Variants in FGFR3 observed in about 807,000 individuals in gnomAD.
FGFR3 encodes FGFR-3.
In FGFR3, 25 loss-of-function variants were observed where a neutral mutation model predicts 82.9. The observed-to-expected ratio is 0.30, with a 90% confidence interval of 0.22 to 0.42. The LOEUF is 0.42. FGFR3 is among the 10% of genes least tolerant of loss of function. The probability of loss-of-function intolerance (pLI) is 1.00; values close to 1 mark genes in which losing one functional copy is unlikely to be tolerated. For missense variants in FGFR3, 1,026 were observed against 1,161.0 expected, an observed-to-expected ratio of 0.88 and a Z score of 1.69; for synonymous variants, 620 against 516.0, an observed-to-expected ratio of 1.20 and a Z score of -2.73.
At chr4:1,804,644 C>G in intron 9 of FGFR3, 124 bp downstream of exon 9, 1 of 1,445,214 alleles carries the variant, frequency 6.9e-7, no homozygotes, top group African/African-American at 1.4e-5. Flanking sequence ...CTCCCCTCTC[C>G]TCGTCTCTGC....
intron 10 of FGFR3, 25 bp from the exon 11 acceptor site, chr4:1,805,330 A>G (rs764691296): frequency 6.2e-7 from 1 of 1,609,508 alleles, no homozygotes; most frequent in Non-Finnish European, 8.5e-7. Flanking sequence ...TTGCACACTC[A>G]TGGTCCCTCT....
At chr4:1,803,944 C>A (rs556862739) in intron 8 of FGFR3, 108 bp downstream of exon 8, 2 of 1,261,928 alleles carry the variant, frequency 1.6e-6, no homozygotes, top group African/African-American at 1.5e-5. Flanking sequence ...ACGGCCGTCC[C>A]GCTTCTTGAG....
chr4:1,801,594 A>G (rs779910416), intron 5 of FGFR3, 26 bp from the exon 6 acceptor site: 9 of 1,596,076 alleles, frequency 5.6e-6, no homozygotes, highest in East Asian at 2.3e-5. Flanking sequence ...GCCTCCGCTC[A>G]CTCACCCGCC....
intron 4 of FGFR3, among the ~76,000 whole-genome samples, chr4:1,800,297 G>A (rs571034899): frequency 2.0e-5 from 3 of 152,152 alleles, no homozygotes; most frequent in African/African-American, 7.2e-5. Context: ...GAGAGCAGTC[G>A]GGGACGATGC....
At chr4:1,801,299 A>G (rs958036231) in intron 4 of FGFR3, 68 bp from the exon 5 acceptor site, 56 of 1,500,636 alleles carry the variant, frequency 3.7e-5, no homozygotes, top group Non-Finnish European at 4.8e-5. Flanking sequence ...AGCTCTGGGA[A>G]GGGGGTTGTT....
Position 1,804,477 on chromosome 4 carries a change from C to T in FGFR3, c.1223C>T (p.Ser408Phe), listed in dbSNP as rs761877926. 1.9e-6 allele frequency: 3 copies of T among 1,612,888 alleles called. No homozygotes were observed. Among genetic ancestry groups the T allele is most frequent in the East Asian group, 2.2e-5 (1 of 44,882 alleles). The change falls in exon 9 of 18, where the codon TCC becomes TTC. Residue 408 changes from serine (S) to phenylalanine (F), a missense_variant. Ser to Phe is a radical substitution (Grantham distance 155). This residue lies in a region of FGFR3 where 256 missense variants were observed against 217.6 expected (regional missense o/e 1.18). Coordinates refer to ENST00000440486, the MANE Select transcript of FGFR3 (RefSeq NM_000142.5). Reference protein sequence around the residue: ...LRSPPKKGLGSPTVHKISRFP... With the variant: ...LRSPPKKGLGFPTVHKISRFP... ...AGCCCCCCCAAGAAAGGCCTGGGCT[C>T]CCCCACCGTGCACAAGATCTCCCGC...
At chr4:1,806,029 C>G (rs368947084) in intron 13 of FGFR3, 22 bp from the exon 14 acceptor site, 3 of 1,612,924 alleles carry the variant, frequency 1.9e-6, no homozygotes, top group Non-Finnish European at 2.5e-6. Context: ...GGCTTCAGCC[C>G]TGCCTCCCAC....
chr4:1,804,506 C>G lies in FGFR3; in HGVS notation c.1252C>G (p.Pro418Ala), dbSNP rs2108798313. 6.2e-7 allele frequency: 1 copy of G among 1,612,768 alleles called. No homozygotes were observed. Among genetic ancestry groups the G allele is most frequent in the Non-Finnish European group, 8.5e-7 (1 of 1,179,948 alleles). ...SPTVHKISRFPLKRQVSLESN... is the reference protein window; with the variant it reads ...SPTVHKISRFALKRQVSLESN... Reference sequence around the variant, plus strand: ...CACCGTGCACAAGATCTCCCGCTTCCCGCTCAAGCGACAGGTAACAGAAAG... The same window carrying G: ...CACCGTGCACAAGATCTCCCGCTTCGCGCTCAAGCGACAGGTAACAGAAAG... Residue 418 changes from proline (P) to alanine (A), a missense_variant, in exon 9 of 18, where the codon CCG becomes GCG. Transcript: ENST00000440486.
chr4:1,796,990 C>CTG, intron 2 of FGFR3, among the ~76,000 whole-genome samples: 1 of 152,138 alleles, frequency 6.6e-6, no homozygotes, highest in East Asian at 1.9e-4. Flanking sequence ...GAGGTCGGCA[C>CTG]TGTGTGGGGT....
In FGFR3 at chr4:1,806,455, C is replaced by T. The variant is rs1721932738; in HGVS notation, c.2031-91C>T. On this transcript the variant is annotated intron_variant, in intron 15 of 17. Coordinates refer to ENST00000440486, the MANE Select transcript of FGFR3 (RefSeq NM_000142.5). ...TGTGGTTTCTACCCCTCCCTGGGGG[C>T]AGCAGCGCAGCCCTGGCCTATTCCC... 9 of 1,607,352 alleles carry T rather than the reference C, an allele frequency of 5.6e-6. 1 individual carries two copies. Among genetic ancestry groups the T allele is most frequent in the East Asian group, 2.2e-5 (1 of 44,856 alleles).
chr4:1,799,220 G>A (rs1168899604), intron 2 of FGFR3, 34 bp from the exon 3 acceptor site: 2 of 1,611,322 alleles, frequency 1.2e-6, no homozygotes, highest in East Asian at 2.2e-5. Context: ...GGGTTTGGGG[G>A]TGCCTGCCTC....
chr4:1,798,883 TTA>T (rs1720849197), intron 2 of FGFR3, among the ~76,000 whole-genome samples: 1 of 152,154 alleles, frequency 6.6e-6, no homozygotes, highest in Admixed American at 6.5e-5. Flanking sequence ...AGCATGGATT[TTA>T]TGTTTCCAAG....
chr4:1,800,209 C>T (rs1028845409), intron 4 of FGFR3, among the ~76,000 whole-genome samples: 4 of 151,622 alleles, frequency 2.6e-5, no homozygotes, highest in Non-Finnish European at 4.4e-5. Flanking sequence ...GGGGTGAGGG[C>T]GCCGGGGCAC....
At chr4:1,797,404 A>C (rs1354767811) in intron 2 of FGFR3, among the ~76,000 whole-genome samples, 1 of 152,178 alleles carries the variant, frequency 6.6e-6, no homozygotes, top group Non-Finnish European at 1.5e-5. Context: ...GGGGGCAGTC[A>C]GGGCTGCACC....
At chr4:1,796,077 G>A (rs182065686) in intron 2 of FGFR3, among the ~76,000 whole-genome samples, 2 of 152,278 alleles carry the variant, frequency 1.3e-5, no homozygotes, top group Admixed American at 6.5e-5. Flanking sequence ...CCTGGAGGAC[G>A]GGGATCTAAA....
Position 1,799,768 on chromosome 4 carries a change from A to T in FGFR3, c.401A>T (p.Asp134Val). 6.2e-7 allele frequency: 1 copy of T among 1,613,030 alleles called. No homozygotes were observed. Among genetic ancestry groups the T allele is most frequent in the Non-Finnish European group, 8.5e-7 (1 of 1,179,944 alleles). Residue 134 changes from aspartate (D) to valine (V), a missense_variant, in exon 4 of 18, where the codon GAC (aspartate) becomes GTC (valine). This residue lies in a region of FGFR3 where 226 missense variants were observed against 222.0 expected (regional missense o/e 1.02). Coordinates refer to ENST00000440486, the MANE Select transcript of FGFR3 (RefSeq NM_000142.5). ...RVTDAPSSGD[D>V]EDGEDEAEDT... ...GCAGACGCTCCATCCTCGGGAGATG[A>T]CGAAGACGGGGAGGACGAGGCTGAG...
At chr4:1,796,727 G>A (rs1156311644) in intron 2 of FGFR3, among the ~76,000 whole-genome samples, 3 of 152,124 alleles carry the variant, frequency 2.0e-5, no homozygotes, top group African/African-American at 7.2e-5. Context: ...GAGTTTGGCC[G>A]TCCCCAGCAC....
chr4:1,803,339 T>A (rs868091578), intron 7 of FGFR3, among the ~76,000 whole-genome samples: 3 of 151,818 alleles, frequency 2.0e-5, no homozygotes, highest in South Asian at 2.1e-4. Flanking sequence ...TGAGCACCCC[T>A]TTGCGCCTCT....
intron 2 of FGFR3, among the ~76,000 whole-genome samples, chr4:1,797,752 CTGTGGG>C (rs1720687390): frequency 2.0e-5 from 3 of 152,186 alleles, no homozygotes; most frequent in Non-Finnish European, 4.4e-5. Context: ...AGTCCTTGAG[CTGTGGG>C]TCCCGGTGGG....
Sources: gnomAD v4.1 joint callset for allele counts (sites outside exome capture counted in the v4.1 genomes callset) on GRCh38, gnomAD v4.1.1 for gene constraint, gnomAD v4.1.1 regional missense constraint, MANE v1.5 for transcripts, NCBI Gene and HGNC (gene_info 2026-07-23, HGNC 2026-07-21) for gene names.